Variants in BCKDHB observed in about 807,000 individuals in gnomAD.
The protein encoded by BCKDHB is 2-oxoisovalerate dehydrogenase subunit beta, mitochondrial.
Under a neutral mutation model 48.5 loss-of-function variants are expected in BCKDHB, and 41 were observed. The observed-to-expected ratio is 0.85, with a 90% CI of 0.66 to 1.10. BCKDHB has a LOEUF of 1.10. Among genes scored for constraint, BCKDHB ranks in the 50% least tolerant of loss-of-function variants. BCKDHB has a pLI of 0.00. For missense variants in BCKDHB, 496 were observed against 494.2 expected (o/e 1.00, Z -0.03); for synonymous variants, 201 against 174.8 (o/e 1.15, Z -1.18).
intron 9 of BCKDHB, among the ~76,000 whole-genome samples, chr6:80,305,733 C>A (rs1159509382): frequency 2.6e-5 from 4 of 152,082 alleles, no homozygotes; most frequent in African/African-American, 4.8e-5. Flanking sequence ...CTTAAGAGAC[C>A]CCAAAACACA....
intron 9 of BCKDHB, among the ~76,000 whole-genome samples, chr6:80,292,185 T>G (rs1191338712): frequency 6.6e-6 from 1 of 152,188 alleles, no homozygotes; most frequent in Non-Finnish European, 1.5e-5. Flanking sequence ...TTTTATTGGC[T>G]CTATAAGTTA....
the BCKDHB span, among the ~76,000 whole-genome samples, chr6:80,461,233 C>T: frequency 7.9e-5 from 12 of 152,300 alleles, no homozygotes; most frequent in South Asian, 2.5e-3. Flanking sequence ...CCCTGCTTCT[C>T]CTATTCTTCC....
intron 9 of BCKDHB, among the ~76,000 whole-genome samples, chr6:80,306,151 T>G (rs1017021661): frequency 2.0e-5 from 3 of 152,354 alleles, no homozygotes; most frequent in Admixed American, 2.0e-4. Context: ...GTTTACACCT[T>G]TATTCTTTTC....
Position 80,169,793 on chromosome 6 carries a change from A to T in BCKDHB, c.633+763A>T, listed in dbSNP as rs779795066. The T allele has an allele frequency of 2.5e-6, 4 of 1,596,242 alleles. No homozygotes were observed. The East Asian group carries it at 9.0e-5, about 36-fold the overall frequency. ...GTCTATGTTTTATTCTTTTTTTCTT[A>T]TTTGTTTTTTCTACCAGATCAAAGT... On this transcript the variant is annotated intron_variant, in intron 5 of 9. Transcript: ENST00000320393.
the BCKDHB span, among the ~76,000 whole-genome samples, chr6:80,439,678 A>C: frequency 6.6e-6 from 1 of 152,204 alleles, no homozygotes; most frequent in African/African-American, 2.4e-5. Context: ...TAACATTTTG[A>C]AAGTATACAC....
At chr6:80,202,802 A>G (rs1172682908) in intron 7 of BCKDHB, among the ~76,000 whole-genome samples, 1 of 141,308 alleles carries the variant, frequency 7.1e-6, no homozygotes, top group East Asian at 2.1e-4. Flanking sequence ...TTCTCCCTCT[A>G]CATGCTTTCT....
chr6:80,323,422 C>G (rs1198091653), intron 9 of BCKDHB, among the ~76,000 whole-genome samples: 1 of 152,100 alleles, frequency 6.6e-6, no homozygotes, highest in Non-Finnish European at 1.5e-5. Context: ...TCTTTTAATA[C>G]ATAGATATCG....
intron 9 of BCKDHB, among the ~76,000 whole-genome samples, chr6:80,311,082 T>C (rs1330865194): frequency 6.6e-6 from 1 of 152,208 alleles, no homozygotes; most frequent in Non-Finnish European, 1.5e-5. Flanking sequence ...GGTAATTGAA[T>C]CATGGGGGCA....
At chr6:80,313,854 G>T (rs114706132) in intron 9 of BCKDHB, among the ~76,000 whole-genome samples, 2,085 of 152,212 alleles carry the variant, frequency 0.014, 36 homozygotes, top group African/African-American at 0.048. Context: ...TAGTTCTTGT[G>T]ATGTTAGCTT....
At position 80,338,790 on chromosome 6, in the gene BCKDHB, A is replaced by G. The variant is rs531576496; in HGVS notation, c.1039-4874A>G. On this transcript the variant is annotated intron_variant, in intron 9 of 9. Coordinates refer to ENST00000320393, the MANE Select transcript of BCKDHB (RefSeq NM_183050.4). ...AGGCATGAAACCAGGTACTTTTTAT[A>G]TGCTACTGCAGAATCTAAGTAGACA... Among the ~76,000 whole-genome samples the G allele has an allele frequency of 3.4e-3, 516 of 152,320 alleles. 5 individuals are homozygous for G. Among genetic ancestry groups the G allele is most frequent in the African/African-American group, 0.012 (494 of 41,574 alleles).
At chr6:80,460,004 T>G in the BCKDHB span, among the ~76,000 whole-genome samples, 17 of 152,286 alleles carry the variant, frequency 1.1e-4, no homozygotes, top group East Asian at 3.1e-3. Flanking sequence ...CTTCATGTAC[T>G]TCCATAGTTT....
intron 8 of BCKDHB, among the ~76,000 whole-genome samples, chr6:80,236,600 C>T (rs376035156): frequency 5.3e-5 from 8 of 152,260 alleles, no homozygotes; most frequent in African/African-American, 1.2e-4. Flanking sequence ...TTATTCCTTA[C>T]ATTAGCAGAG....
At chr6:80,180,379 T>TA (rs1421943960) in intron 6 of BCKDHB, among the ~76,000 whole-genome samples, 1 of 152,144 alleles carries the variant, frequency 6.6e-6, no homozygotes, top group East Asian at 1.9e-4. Context: ...CCAGCTGGTG[T>TA]AAAAAATGTA....
At chr6:80,374,365 T>G in the BCKDHB span, 2 of 829,476 alleles carry the variant, frequency 2.4e-6, no homozygotes, top group Non-Finnish European at 4.3e-6. Context: ...TGGGCACACC[T>G]GCCAACTCCA....
At chr6:80,447,462 T>C in the BCKDHB span, among the ~76,000 whole-genome samples, 1 of 149,474 alleles carries the variant, frequency 6.7e-6, no homozygotes, top group African/African-American at 2.4e-5. Flanking sequence ...TATATATATA[T>C]ATACATATAT....
the BCKDHB span, among the ~76,000 whole-genome samples, chr6:80,426,089 G>A: frequency 9.9e-5 from 15 of 152,276 alleles, no homozygotes; most frequent in South Asian, 3.1e-3. Context: ...TGTCAGGCTA[G>A]GTAGAGAGAG....
At chr6:80,232,729 T>C (rs1266049551) in intron 8 of BCKDHB, among the ~76,000 whole-genome samples, 1 of 146,776 alleles carries the variant, frequency 6.8e-6, no homozygotes, top group African/African-American at 2.5e-5. Flanking sequence ...AAGAGATATG[T>C]ATGTTCTATA....
chr6:80,419,129 G>A, the BCKDHB span, among the ~76,000 whole-genome samples: 1 of 152,146 alleles, frequency 6.6e-6, no homozygotes, highest in African/African-American at 2.4e-5. Context: ...GGGGAGGTGG[G>A]ACAGCCTGCA....
At position 80,344,065 on chromosome 6, in the gene BCKDHB, A is replaced by G; in HGVS notation, c.*261A>G. ...GCCCAGGCTAGACTGCAGTGGTGCA[A>G]TCTCAGCTCACTGCAACCTCCCCCC... On this transcript the variant is annotated 3_prime_UTR_variant, in exon 10 of 10. Transcript: ENST00000320393. 2.2e-6 allele frequency: 1 copy of G among 459,848 alleles called. No homozygotes were observed. Among genetic ancestry groups the G allele is most frequent in the South Asian group, 2.1e-5 (1 of 47,964 alleles). 28.5% of individuals were successfully genotyped at this position (459,848 alleles called of 1,614,324 possible).
Sources: gnomAD v4.1 joint callset for allele counts (sites outside exome capture counted in the v4.1 genomes callset) on GRCh38, gnomAD v4.1.1 for gene constraint, MANE v1.5 for transcripts, NCBI Gene and HGNC (gene_info 2026-07-23, HGNC 2026-07-21) for gene names.